The following SDK1 variants were observed in gnomAD, a reference collection of about 807,000 sequenced individuals.
SDK1 encodes protein sidekick-1.
Under a neutral mutation model 245.5 loss-of-function variants are expected in SDK1, and 157 were observed. The ratio of observed to expected loss-of-function variants is 0.64; its 90% CI spans 0.56 to 0.73. The LOEUF is 0.73. Among genes scored for constraint, SDK1 ranks in the 30% least tolerant of loss-of-function variants. SDK1 has a pLI of 0.00. For synonymous variants in SDK1, 1,647 were observed against 1,278.5 expected (o/e 1.29, Z -6.15); for missense variants, 3,583 against 3,002.3 (o/e 1.19, Z -4.52).
intron 4 of SDK1, among the ~76,000 whole-genome samples, chr7:3,714,753 A>C: frequency 6.6e-6 from 1 of 152,182 alleles, no homozygotes; most frequent in East Asian, 1.9e-4. Context: ...GTTGAGTGTC[A>C]AGTATCTGGG....
At chr7:3,694,831 T>G (rs982229178) in intron 4 of SDK1, among the ~76,000 whole-genome samples, 2 of 152,140 alleles carry the variant, frequency 1.3e-5, no homozygotes, top group Admixed American at 6.5e-5. Flanking sequence ...TTCTTAATAG[T>G]GACATGCAGG....
chr7:3,462,266 C>A (rs1399247754), intron 1 of SDK1, among the ~76,000 whole-genome samples: 1 of 152,176 alleles, frequency 6.6e-6, no homozygotes, highest in Non-Finnish European at 1.5e-5. Context: ...CTGTAACAAG[C>A]ATGCTGCCTT....
intron 1 of SDK1, among the ~76,000 whole-genome samples, chr7:3,339,505 A>G (rs1216815209): frequency 6.6e-6 from 1 of 152,140 alleles, no homozygotes; most frequent in Non-Finnish European, 1.5e-5. Flanking sequence ...TGCCCATGGG[A>G]CATCATAGAC....
chr7:4,177,085 G>A lies in SDK1; in HGVS notation c.4996+1251G>A, dbSNP rs141151800. Among the ~76,000 whole-genome samples, 902 of 152,366 alleles carry A rather than the reference G, an allele frequency of 5.9e-3. 3 individuals carry two copies. Among genetic ancestry groups the A allele is most frequent in the Non-Finnish European group, 9.2e-3 (627 of 68,036 alleles). On this transcript the variant is annotated intron_variant, in intron 34 of 44. Coordinates refer to ENST00000404826, the MANE Select transcript of SDK1 (RefSeq NM_152744.4). ...TGTTGTGTTCAGGCATTCTGTAGGG[G>A]TGGGAGTGATTTGCAGGGCAGCACA...
Position 4,149,321 on chromosome 7 carries a change from C to G in SDK1, c.4483C>G (p.Leu1495Val). The change falls in exon 30 of 45, where the codon CTC becomes GTC. Residue 1495 changes from leucine to valine, a missense_variant. Coordinates refer to ENST00000404826, the MANE Select transcript of SDK1 (RefSeq NM_152744.4). Reference protein sequence around the residue: ...VPQAEVTARSLRLQWVPGSDG... With the variant: ...VPQAEVTARSVRLQWVPGSDG... ...CCAGGCAGAAGTGACCGCACGCAGC[C>G]TCCGGCTCCAGTGGGTCCCGGGCAG... 1 of 1,591,612 alleles carries G rather than the reference C, an allele frequency of 6.3e-7. No homozygotes were observed. Among genetic ancestry groups the G allele is most frequent in the Non-Finnish European group, 8.6e-7 (1 of 1,169,214 alleles).
intron 5 of SDK1, among the ~76,000 whole-genome samples, chr7:3,930,923 TATCTA>T: frequency 6.6e-6 from 1 of 152,374 alleles, no homozygotes; most frequent in East Asian, 1.9e-4. Context: ...TAGAACATCT[TATCTA>T]TAGCCATTTC....
chr7:4,072,540 T>C (rs1033493138), intron 20 of SDK1, among the ~76,000 whole-genome samples: 4 of 152,198 alleles, frequency 2.6e-5, no homozygotes, highest in African/African-American at 9.6e-5. Context: ...GACATAGTTT[T>C]CCAGTGGAAC....
chr7:3,488,764 C>G (rs73671853), intron 1 of SDK1, among the ~76,000 whole-genome samples: 1,746 of 152,276 alleles, frequency 0.011, 42 homozygotes, highest in African/African-American at 0.04. Context: ...CAAAAACCTA[C>G]ATTCAATTCT....
At chr7:3,830,461 G>T (rs1779885932) in intron 5 of SDK1, among the ~76,000 whole-genome samples, 1 of 152,018 alleles carries the variant, frequency 6.6e-6, no homozygotes, top group Non-Finnish European at 1.5e-5. Flanking sequence ...TTAGCAGTTT[G>T]GGGGCTAGAA....
chr7:3,598,410 G>C (rs1386859262), intron 1 of SDK1, among the ~76,000 whole-genome samples: 2 of 151,748 alleles, frequency 1.3e-5, no homozygotes, highest in Non-Finnish European at 2.9e-5. Flanking sequence ...ATTTTATTTT[G>C]AGATCATTGT....
intron 4 of SDK1, among the ~76,000 whole-genome samples, chr7:3,650,768 G>C (rs1318501384): frequency 2.7e-5 from 4 of 150,910 alleles, no homozygotes; most frequent in Non-Finnish European, 5.9e-5. Context: ...CTAAAGTTTT[G>C]TCATCTCAAG....
At chr7:3,394,323 ATGTT>A (rs1781838365) in intron 1 of SDK1, among the ~76,000 whole-genome samples, 1 of 152,098 alleles carries the variant, frequency 6.6e-6, no homozygotes, top group South Asian at 2.1e-4. Context: ...TTGCCTTGGC[ATGTT>A]TGTTAAAAAT....
chr7:3,448,158 A>T (rs1055716229), intron 1 of SDK1, among the ~76,000 whole-genome samples: 7 of 152,136 alleles, frequency 4.6e-5, no homozygotes, highest in African/African-American at 1.4e-4. Context: ...TATAAGGTTC[A>T]TTTTATCACA....
At chr7:3,525,764 T>C (rs1201320574) in intron 1 of SDK1, among the ~76,000 whole-genome samples, 1 of 152,170 alleles carries the variant, frequency 6.6e-6, no homozygotes, top group South Asian at 2.1e-4. Context: ...TTGTAAAATA[T>C]TTCTTCTTCC....
intron 4 of SDK1, among the ~76,000 whole-genome samples, chr7:3,654,419 C>A (rs1007458153): frequency 6.6e-6 from 1 of 152,126 alleles, no homozygotes; most frequent in Non-Finnish European, 1.5e-5. Flanking sequence ...CCGTGCAGAG[C>A]GAGAGGTGGA....
chr7:3,752,025 C>G (rs964851680), intron 4 of SDK1, among the ~76,000 whole-genome samples: 2 of 152,188 alleles, frequency 1.3e-5, no homozygotes, highest in Non-Finnish European at 1.5e-5. Context: ...GAAAAGTACT[C>G]CTTTGGCCTT....
chr7:3,595,338 T>C (rs1048164001), intron 1 of SDK1, among the ~76,000 whole-genome samples: 1 of 152,112 alleles, frequency 6.6e-6, no homozygotes, highest in African/African-American at 2.4e-5. Context: ...TTCTACCCTA[T>C]TTATTAAATG....
chr7:3,758,639 TACTC>T (rs1780006328), intron 4 of SDK1, among the ~76,000 whole-genome samples: 1 of 152,212 alleles, frequency 6.6e-6, no homozygotes, highest in South Asian at 2.1e-4. Context: ...TCTTGGCACT[TACTC>T]TGCACTGTGA....
At chr7:4,043,493 G>A (rs929700419) in intron 17 of SDK1, among the ~76,000 whole-genome samples, 1 of 152,250 alleles carries the variant, frequency 6.6e-6, no homozygotes, top group African/African-American at 2.4e-5. Context: ...GGTAGAGTGA[G>A]TGTGAGAGCT....
Sources: allele counts gnomAD v4.1 joint callset (sites outside exome capture counted in the v4.1 genomes callset), GRCh38; gene constraint gnomAD v4.1.1; transcripts MANE v1.5; gene names NCBI Gene and HGNC (gene_info 2026-07-23, HGNC 2026-07-21).